The following SNX29 variants were observed in gnomAD, a reference collection of about 807,000 sequenced individuals.
The protein encoded by SNX29 is sorting nexin-29.
In SNX29, 78 loss-of-function variants were observed where a neutral mutation model predicts 102.1. The observed-to-expected ratio is 0.76, with a 90% CI of 0.64 to 0.92. The LOEUF (loss-of-function observed/expected upper bound fraction) is 0.92. Among genes scored for constraint, SNX29 ranks in the 40% least tolerant of loss-of-function variants. SNX29 has a pLI of 0.00. For missense variants in SNX29, 1,280 were observed against 1,061.7 expected (o/e 1.21, Z -2.86); for synonymous variants, 580 against 414.5 (o/e 1.40, Z -4.85).
chr16:12,158,672 G>A (rs1425249200), intron 13 of SNX29, among the ~76,000 whole-genome samples: 1 of 152,238 alleles, frequency 6.6e-6, no homozygotes, highest in Admixed American at 6.5e-5. Flanking sequence ...AAAGGACAGC[G>A]TGGCATGATG....
rs75991516 is a variant in SNX29 at position 12,053,664 on chromosome 16, G to GT, written c.1124+1456dup. On this transcript the variant is annotated intron_variant, in intron 8 of 20. Coordinates refer to ENST00000566228, the MANE Select transcript of SNX29 (RefSeq NM_032167.5). ...GTTTTCATGTTGTTACAATATTAGGGTTTTTTTTTTTTTTCTGATGAGACT... is the reference window on the plus strand; with the variant it reads ...GTTTTCATGTTGTTACAATATTAGGGTTTTTTTTTTTTTTTCTGATGAGACT... Among the ~76,000 whole-genome samples, 767 of 146,940 alleles carry GT rather than the reference G, an allele frequency of 5.2e-3. 1 individual carries two copies. Among genetic ancestry groups the GT allele is most frequent in the African/African-American group, 7.2e-3 (288 of 39,934 alleles).
At chr16:12,373,578 T>G (rs1008866068) in intron 16 of SNX29, 29 of 152,362 alleles carry the variant, frequency 1.9e-4, no homozygotes, top group African/African-American at 5.8e-4. Context: ...ACTCTCCTGC[T>G]TTATTTTTCC....
chr16:12,197,957 C>T (rs907648946), intron 13 of SNX29, among the ~76,000 whole-genome samples: 2 of 152,016 alleles, frequency 1.3e-5, no homozygotes, highest in Non-Finnish European at 2.9e-5. Context: ...AACAGACGCT[C>T]GGCACCAGGG....
intron 13 of SNX29, among the ~76,000 whole-genome samples, chr16:12,182,591 A>C (rs1398354554): frequency 6.6e-6 from 1 of 152,166 alleles, no homozygotes; most frequent in African/African-American, 2.4e-5. Flanking sequence ...CCTGCCAACC[A>C]GTTACCTCTA....
At chr16:12,522,332 A>T (rs1474229553) in intron 19 of SNX29, among the ~76,000 whole-genome samples, 1 of 139,322 alleles carries the variant, frequency 7.2e-6, no homozygotes, top group Non-Finnish European at 1.5e-5. Flanking sequence ...CCTGGCTCAA[A>T]GGTGCCTCTC....
At chr16:12,567,791 A>G (rs1378921036) in intron 20 of SNX29, among the ~76,000 whole-genome samples, 2 of 152,146 alleles carry the variant, frequency 1.3e-5, no homozygotes, top group East Asian at 3.9e-4. Context: ...AAATGCAACC[A>G]CATCACAGGA....
intron 20 of SNX29, among the ~76,000 whole-genome samples, chr16:12,552,561 C>T (rs1292001284): frequency 6.6e-6 from 1 of 152,150 alleles, no homozygotes; most frequent in African/African-American, 2.4e-5. Context: ...GGCACACAGG[C>T]CAGCCAAGTT....
intron 18 of SNX29, among the ~76,000 whole-genome samples, chr16:12,461,459 CCTT>C (rs1375729229): frequency 2.0e-5 from 3 of 152,168 alleles, no homozygotes; most frequent in African/African-American, 7.2e-5. Flanking sequence ...GCCCTTCACT[CCTT>C]CTCTCCAAGA....
rs549325362 is a variant in SNX29, at chr16:12,566,410, T to C, written c.2319-2096T>C. On this transcript the variant is annotated intron_variant, in intron 20 of 20. Coordinates refer to ENST00000566228, the MANE Select transcript of SNX29 (RefSeq NM_032167.5). ...GCCTCTCCCAGGCACTCTCAGAGCCTGTTACCTCCAGGGCCTCTCCCCCCA... is the reference window on the plus strand; with the variant it reads ...GCCTCTCCCAGGCACTCTCAGAGCCCGTTACCTCCAGGGCCTCTCCCCCCA... 1.1e-3 allele frequency among the ~76,000 whole-genome samples: 95 copies of C among 87,678 alleles called. 1 individual carries two copies. Among genetic ancestry groups the C allele is most frequent in the African/African-American group, 4.7e-3 (90 of 19,192 alleles). The allele number at this position is 87,678 out of a possible 152,430, so 57.5% of individuals were successfully genotyped here.
chr16:12,519,937 T>C (rs1433585070), intron 19 of SNX29, among the ~76,000 whole-genome samples: 1 of 152,060 alleles, frequency 6.6e-6, no homozygotes, highest in East Asian at 1.9e-4. Context: ...GAACCAGGGA[T>C]TGCACCACTG....
At chr16:12,472,755 A>AT (rs1211165497) in intron 18 of SNX29, among the ~76,000 whole-genome samples, 2 of 151,722 alleles carry the variant, frequency 1.3e-5, no homozygotes, top group African/African-American at 4.8e-5. Context: ...AGGTTTTTGC[A>AT]TTTTTTTCTC....
At chr16:12,463,019 C>G (rs1200492406) in intron 18 of SNX29, among the ~76,000 whole-genome samples, 1 of 152,180 alleles carries the variant, frequency 6.6e-6, no homozygotes, top group African/African-American at 2.4e-5. Flanking sequence ...CTGAGTTTCC[C>G]AGGAGCTGCC....
At chr16:12,065,774 G>A (rs1339157590) in intron 9 of SNX29, among the ~76,000 whole-genome samples, 1 of 152,136 alleles carries the variant, frequency 6.6e-6, no homozygotes, top group Non-Finnish European at 1.5e-5. Flanking sequence ...TCTTTATTCA[G>A]TCTTCCCACT....
At chr16:11,983,323 C>G (rs1035907684) in intron 1 of SNX29, among the ~76,000 whole-genome samples, 5 of 145,886 alleles carry the variant, frequency 3.4e-5, no homozygotes, top group African/African-American at 1.3e-4. Context: ...GCCATCCTGT[C>G]TCAACCTTCC....
chr16:12,564,257 G>C (rs912030087), intron 20 of SNX29, among the ~76,000 whole-genome samples: 1 of 152,146 alleles, frequency 6.6e-6, no homozygotes, highest in Non-Finnish European at 1.5e-5. Flanking sequence ...AGTTCCTTTG[G>C]TATATTAGAT....
intron 13 of SNX29, among the ~76,000 whole-genome samples, chr16:12,178,737 A>G (rs1567282517): frequency 6.6e-6 from 1 of 152,224 alleles, no homozygotes; most frequent in African/African-American, 2.4e-5. Context: ...AGTATCAGAC[A>G]GTGTGTGTAG....
rs753837292 is a variant in SNX29 at position 12,568,496 on chromosome 16, G to C, written c.2319-10G>C. 6.2e-7 allele frequency: 1 copy of C among 1,609,144 alleles called. No individual in the cohort carries two copies. The highest frequency in any genetic ancestry group is 1.1e-5 in the South Asian group (1 of 91,062). On this transcript the variant is annotated splice_polypyrimidine_tract_variant and intron_variant, in intron 20 of 20. Transcript: ENST00000566228. ...CCAGACTTAACCCGATTCTCTCCCT[G>C]CTCTTTCAGCGACATCACCCCGCCC... is the stretch of plus-strand genomic sequence containing the variant.
At chr16:12,456,337 T>C (rs2086536139) in intron 18 of SNX29, among the ~76,000 whole-genome samples, 1 of 152,226 alleles carries the variant, frequency 6.6e-6, no homozygotes, top group Admixed American at 6.5e-5. Context: ...ATTCATCTTG[T>C]AAACAGACAG....
intron 20 of SNX29, among the ~76,000 whole-genome samples, chr16:12,549,289 GT>G (rs1347302164): frequency 6.6e-6 from 1 of 152,122 alleles, no homozygotes; most frequent in Non-Finnish European, 1.5e-5. Flanking sequence ...AGGGTCAGAA[GT>G]TGGAAACCAG....
Sources: gnomAD v4.1 joint callset for allele counts (sites outside exome capture counted in the v4.1 genomes callset) on GRCh38, gnomAD v4.1.1 for gene constraint, MANE v1.5 for transcripts, NCBI Gene and HGNC (gene_info 2026-07-23, HGNC 2026-07-21) for gene names.